The following LSM4 variants were observed in gnomAD, a reference collection of about 807,000 sequenced individuals.
The protein encoded by LSM4 is U6 snRNA-associated Sm-like protein LSm4.
Under a neutral mutation model 22.3 loss-of-function variants are expected in LSM4, and 15 were observed. The ratio of observed to expected loss-of-function variants is 0.67; its 90% CI spans 0.45 to 1.03. LSM4 has a LOEUF of 1.03. Among genes scored for constraint, LSM4 ranks in the 50% least tolerant of loss-of-function variants. LSM4 has a pLI of 0.00. For synonymous variants in LSM4, 90 were observed against 79.8 expected, an observed-to-expected ratio of 1.13 and a Z score of -0.68; for missense variants, 127 against 198.0, an observed-to-expected ratio of 0.64 and a Z score of 2.15.
At chr19:18,316,537 G>A (rs747118354) in intron 1 of LSM4, among the ~76,000 whole-genome samples, 3 of 152,012 alleles carry the variant, frequency 2.0e-5, no homozygotes, top group Admixed American at 2.0e-4. Context: ...TAATAAAGGC[G>A]GGGTTTCACC....
At chr19:18,315,107 G>A (rs947911407) in intron 2 of LSM4, among the ~76,000 whole-genome samples, 11 of 151,984 alleles carry the variant, frequency 7.2e-5, no homozygotes, top group African/African-American at 2.4e-4. Flanking sequence ...GGATGGTCTC[G>A]ATCTCCTGAT....
intron 1 of LSM4, 136 bp from the exon 2 acceptor site, chr19:18,316,201 C>A (rs1044857799): frequency 4.5e-6 from 3 of 670,252 alleles, no homozygotes; most frequent in Non-Finnish European, 7.7e-6. Context: ...TCACCCCCCA[C>A]TGGAAATGCC....
At position 18,307,333 on chromosome 19, in the gene LSM4, G is replaced by A; in HGVS notation, c.*131C>T. The A allele has an allele frequency of 3.4e-6, 2 of 596,298 alleles. No homozygotes were observed. The highest frequency in any genetic ancestry group is 5.2e-6 in the Non-Finnish European group (2 of 387,698). The allele number at this position is 596,298 out of a possible 1,614,324, so 36.9% of individuals were successfully genotyped here. On this transcript the variant is annotated 3_prime_UTR_variant, in exon 5 of 5. Coordinates refer to ENST00000593829, the MANE Select transcript of LSM4 (RefSeq NM_012321.5). ...AGAAAAAGGGGCTTCACCTAAAAGG[G>A]AGGGTCACAAAACACGAAGGGGGTT...
chr19:18,319,179 T>C (rs1266699523), intron 1 of LSM4, among the ~76,000 whole-genome samples: 5 of 144,342 alleles, frequency 3.5e-5, no homozygotes, highest in East Asian at 4.2e-4. Context: ...GAGGCAGAGG[T>C]TGCAGTGAGC....
chr19:18,309,961 G>A (rs746819228), intron 3 of LSM4, 100 bp from the exon 4 acceptor site: 27 of 1,127,694 alleles, frequency 2.4e-5, no homozygotes, highest in Middle Eastern at 2.5e-4. Context: ...CCTGCACCCC[G>A]TACCACCCCT....
In LSM4 at chr19:18,309,866, G is replaced by T; in HGVS notation, c.145-5C>A. The stretch of plus-strand genomic sequence containing the variant: ...CCGCCAGAACTTGTCCCCGTCCTGC[G>T]GAGAAGGGGAGCAGGTTATTAACTT... On this transcript the variant is annotated splice_polypyrimidine_tract_variant and splice_region_variant and intron_variant, in intron 3 of 4. Coordinates refer to ENST00000593829, the MANE Select transcript of LSM4 (RefSeq NM_012321.5). 4 of 1,612,564 alleles carry T rather than the reference G, an allele frequency of 2.5e-6. No individual in the cohort carries two copies. The highest frequency in any genetic ancestry group is 3.4e-6 in the Non-Finnish European group (4 of 1,179,538).
intron 1 of LSM4, among the ~76,000 whole-genome samples, chr19:18,317,111 C>G (rs1221464469): frequency 6.6e-6 from 1 of 151,836 alleles, no homozygotes; most frequent in Non-Finnish European, 1.5e-5. Flanking sequence ...ACTTCCACCT[C>G]CCGGGTTCAA....
intron 2 of LSM4, among the ~76,000 whole-genome samples, chr19:18,314,305 G>C (rs997396190): frequency 6.6e-6 from 1 of 151,766 alleles, no homozygotes; most frequent in African/African-American, 2.4e-5. Flanking sequence ...CGGATCACGA[G>C]GTCATGAGAT....
chr19:18,322,559 G>A (rs1970436098), intron 1 of LSM4, among the ~76,000 whole-genome samples: 1 of 152,094 alleles, frequency 6.6e-6, no homozygotes, highest in African/African-American at 2.4e-5. Context: ...AGGCTGTGCT[G>A]CTAGCATCTT....
chr19:18,312,310 G>A (rs1970307103), intron 3 of LSM4: 1 of 356,308 alleles, frequency 2.8e-6, no homozygotes, highest in Middle Eastern at 8.7e-4. Context: ...TCCCCTGGAG[G>A]GGGCTGCCCC....
chr19:18,323,014 T>C lies in LSM4; in HGVS notation c.3+4A>G, dbSNP rs1190173315. 9 of 1,579,456 alleles carry C rather than the reference T, an allele frequency of 5.7e-6. No individual in the cohort carries two copies. Among genetic ancestry groups the C allele is most frequent in the Non-Finnish European group, 6.8e-6 (8 of 1,168,504 alleles). On this transcript the variant is annotated splice_donor_region_variant and intron_variant, in intron 1 of 4. Coordinates refer to ENST00000593829, the MANE Select transcript of LSM4 (RefSeq NM_012321.5). ...GTGAGACCCCGCAGTTGCCCTGCCC[T>C]CACCATGGTGCCGGCGGGGACCGGG...
At chr19:18,309,341 C>T (rs1005166812) in intron 4 of LSM4, 2 of 330,820 alleles carry the variant, frequency 6.0e-6, no homozygotes, top group African/African-American at 4.3e-5. Flanking sequence ...GGGCGGGCGA[C>T]CTTGGCTCTG....
At chr19:18,310,892 A>G (rs1382656462) in intron 3 of LSM4, among the ~76,000 whole-genome samples, 1 of 152,138 alleles carries the variant, frequency 6.6e-6, no homozygotes, top group Non-Finnish European at 1.5e-5. Flanking sequence ...AACACACGCC[A>G]TGGGCTTGCC....
intron 1 of LSM4, among the ~76,000 whole-genome samples, chr19:18,321,214 A>AATC (rs1427458386): frequency 6.6e-6 from 1 of 152,208 alleles, no homozygotes; most frequent in African/African-American, 2.4e-5. Flanking sequence ...ACATACTGGG[A>AATC]ATCTAGTCGG....
In LSM4 at chr19:18,312,627, G is replaced by T; in HGVS notation, c.121C>A (p.Arg41=). ...SCDNWMNINL[R]EVICTSRDGD... is the part of the protein sequence containing the mutation. ...ACCCTGGACGTGCAGATGACTTCTC[G>T]CAGGTTAATGTTCATCCAGTTGTCG... is the stretch of plus-strand genomic sequence containing the variant. The change falls in exon 3 of 5, where the codon CGA becomes AGA. Residue 41 remains arginine (R), a synonymous_variant. Coordinates refer to ENST00000593829, the MANE Select transcript of LSM4 (RefSeq NM_012321.5). The T allele has an allele frequency of 6.2e-7, 1 of 1,613,936 alleles. No individual in the cohort carries two copies. Among genetic ancestry groups the T allele is most frequent in the South Asian group, 1.1e-5 (1 of 91,078 alleles).
chr19:18,323,002 G>T lies in LSM4; in HGVS notation c.3+16C>A, dbSNP rs1225775465. Reference sequence around the variant, plus strand: ...TCCCGCCTCCCGGTGAGACCCCGCAGTTGCCCTGCCCTCACCATGGTGCCG... The same window carrying T: ...TCCCGCCTCCCGGTGAGACCCCGCATTTGCCCTGCCCTCACCATGGTGCCG... On this transcript the variant is annotated intron_variant, in intron 1 of 4. Transcript: ENST00000593829. The T allele has an allele frequency of 2.5e-6, 4 of 1,591,092 alleles. No individual in the cohort carries two copies. In the African/African-American group the frequency reaches 5.5e-5, roughly 22 times the overall value.
chr19:18,320,498 C>T (rs1173698030), intron 1 of LSM4, among the ~76,000 whole-genome samples: 1 of 151,714 alleles, frequency 6.6e-6, no homozygotes, highest in Non-Finnish European at 1.5e-5. Context: ...GAGATCTCAG[C>T]TCTGAAAAAC....
At chr19:18,318,631 G>A (rs889320950) in intron 1 of LSM4, among the ~76,000 whole-genome samples, 5 of 152,236 alleles carry the variant, frequency 3.3e-5, no homozygotes, top group South Asian at 4.1e-4. Flanking sequence ...TAACAGGAAC[G>A]GGACCTTGGA....
chr19:18,308,342 G>C (rs1970256906), intron 4 of LSM4, among the ~76,000 whole-genome samples: 1 of 152,150 alleles, frequency 6.6e-6, no homozygotes, highest in African/African-American at 2.4e-5. Flanking sequence ...GGTCAGGCCG[G>C]GACCCAACAT....
Sources: allele counts gnomAD v4.1 joint callset (sites outside exome capture counted in the v4.1 genomes callset), GRCh38; gene constraint gnomAD v4.1.1; transcripts MANE v1.5; gene names NCBI Gene and HGNC (gene_info 2026-07-23, HGNC 2026-07-21).